EIPR1: variants seen among roughly 807,000 people sequenced by gnomAD.
The protein encoded by EIPR1 is EARP and GARP complex-interacting protein 1.
In EIPR1, 25 loss-of-function variants were observed where a neutral mutation model predicts 48.1. The observed-to-expected ratio is 0.52, with a 90% CI of 0.38 to 0.73. EIPR1 has a LOEUF of 0.73. Among genes scored for constraint, EIPR1 ranks in the 30% least tolerant of loss-of-function variants. The probability of loss-of-function intolerance (pLI) is 0.00; values close to 1 mark genes in which losing one functional copy is unlikely to be tolerated. For missense variants in EIPR1, 415 were observed against 506.2 expected, an observed-to-expected ratio of 0.82 and a Z score of 1.73; for synonymous variants, 204 against 201.9, an observed-to-expected ratio of 1.01 and a Z score of -0.09.
intron 3 of EIPR1, among the ~76,000 whole-genome samples, chr2:3,305,653 C>T (rs769031346): frequency 1.3e-4 from 20 of 152,302 alleles, no homozygotes; most frequent in Middle Eastern, 3.4e-3. Flanking sequence ...GTGCAGGAGA[C>T]GGGGAAAGAC....
At chr2:3,259,472 C>T (rs888392302) in intron 3 of EIPR1, among the ~76,000 whole-genome samples, 9 of 152,200 alleles carry the variant, frequency 5.9e-5, no homozygotes, top group African/African-American at 2.2e-4. Flanking sequence ...CCTTCAAAGT[C>T]TACACCAGAT....
At chr2:3,267,481 A>G (rs1444951462) in intron 3 of EIPR1, among the ~76,000 whole-genome samples, 1 of 152,216 alleles carries the variant, frequency 6.6e-6, no homozygotes, top group Admixed American at 6.5e-5. Flanking sequence ...TCATAAACTT[A>G]ATCAGGCGGG....
chr2:3,335,469 T>C (rs1046330512), intron 3 of EIPR1, among the ~76,000 whole-genome samples: 2 of 149,900 alleles, frequency 1.3e-5, no homozygotes, highest in Admixed American at 6.6e-5. Context: ...ACGAGGGGGG[T>C]TTCCTGGTGG....
rs545543873 is a variant in EIPR1, at chr2:3,245,145, CTTATT to C, written c.416+12149_416+12153del. 1.3e-3 allele frequency among the ~76,000 whole-genome samples: 199 copies of C among 151,896 alleles called. 1 individual carries two copies. The highest frequency in any genetic ancestry group is 9.7e-3 in the East Asian group (50 of 5,168). On this transcript the variant is annotated intron_variant, in intron 4 of 8. Transcript: ENST00000382125. ...GCAAGGGAGACTCTGATAACCATTC[CTTATT>C]TTATTTTATTTTATTTATTTTACTT...
At chr2:3,209,403 C>T (rs571623010) in intron 5 of EIPR1, among the ~76,000 whole-genome samples, 3 of 152,362 alleles carry the variant, frequency 2.0e-5, no homozygotes, top group Admixed American at 6.5e-5. Flanking sequence ...ACCATGTCCT[C>T]GCTGCCCCCT....
In EIPR1 at chr2:3,192,440, G is replaced by C; in HGVS notation, c.963C>G (p.Asp321Glu). Residue 321 changes from aspartate (D) to glutamate (E), a missense_variant, in exon 8 of 9, where the codon GAC (aspartate) becomes GAG (glutamate). Physicochemically the swap from Asp to Glu is conservative, Grantham distance 45. Coordinates refer to ENST00000382125, the MANE Select transcript of EIPR1 (RefSeq NM_003310.5). ...TCTCTTCAGAACGGTGGTCCTCCTG[G>C]TCACTGATGTCATCGTCGTCTACCA... ...GHLVDDDDIS[D>E]QEDHRSEEKS... 6.2e-7 allele frequency: 1 copy of C among 1,612,068 alleles called. No homozygotes were observed. The highest frequency in any genetic ancestry group is 1.3e-5 in the African/African-American group (1 of 74,976).
intron 4 of EIPR1, 92 bp downstream of exon 4, chr2:3,257,207 G>A (rs1667184256): frequency 1.4e-6 from 2 of 1,401,436 alleles, no homozygotes; most frequent in South Asian, 3.0e-5. Flanking sequence ...CCGAGGTGTG[G>A]ACGGTGGCTC....
chr2:3,287,140 G>A lies in EIPR1; in HGVS notation c.260-29685C>T, dbSNP rs1430792123. On this transcript the variant is annotated intron_variant, in intron 3 of 8. Transcript: ENST00000382125. ...CTGCAGCACCAAGCTCGTTCACCAC[G>A]CTCTAGAAAACTCATTCAACATGTT... Among the ~76,000 whole-genome samples, 8 of 152,130 alleles carry A rather than the reference G, an allele frequency of 5.3e-5. No individual in the cohort carries two copies. The South Asian group carries it at 8.3e-4, about 16-fold the overall frequency.
At chr2:3,201,960 G>A (rs139508252) in intron 5 of EIPR1, among the ~76,000 whole-genome samples, 297 of 151,806 alleles carry the variant, frequency 2.0e-3, no homozygotes, top group African/African-American at 6.5e-3. Context: ...TTTTTGAGAC[G>A]GAGTCTCACT....
intron 4 of EIPR1, among the ~76,000 whole-genome samples, chr2:3,251,469 C>T (rs1363272502): frequency 6.6e-6 from 1 of 152,152 alleles, no homozygotes; most frequent in African/African-American, 2.4e-5. Flanking sequence ...CGAGGCCCCA[C>T]AACCACCCCC....
At chr2:3,202,979 C>T (rs551991843) in intron 5 of EIPR1, among the ~76,000 whole-genome samples, 39 of 152,326 alleles carry the variant, frequency 2.6e-4, no homozygotes, top group African/African-American at 7.9e-4. Context: ...TTCTCACACT[C>T]GGTGTCTGGC....
Position 3,192,492 on chromosome 2 carries a change from G to A in EIPR1, c.911C>T (p.Ser304Phe). 6.2e-7 allele frequency: 1 copy of A among 1,613,082 alleles called. No homozygotes were observed. The highest frequency in any genetic ancestry group is 1.1e-5 in the South Asian group (1 of 90,956). Residue 304 changes from serine to phenylalanine, a missense_variant, in exon 8 of 9, where the codon TCC (serine) becomes TTC (phenylalanine). Transcript: ENST00000382125. The stretch of plus-strand genomic sequence containing the variant: ...GTGGCCGAAGGGCTCCGACGAGATG[G>A]ACACCATGTTGGAAAGGATGACTCT... ...DSRVILSNMV[S>F]ISSEPFGHLV...
At chr2:3,296,583 A>G (rs529628219) in intron 3 of EIPR1, among the ~76,000 whole-genome samples, 1 of 113,212 alleles carries the variant, frequency 8.8e-6, no homozygotes, top group African/African-American at 3.5e-5. Context: ...CATCCAGCCC[A>G]TCCTCTCTAC....
intron 3 of EIPR1, among the ~76,000 whole-genome samples, chr2:3,306,816 G>A (rs956742250): frequency 1.4e-4 from 21 of 152,168 alleles, no homozygotes; most frequent in African/African-American, 3.4e-4. Context: ...AAATCCATGC[G>A]TAAGTGGACC....
chr2:3,258,672 A>G (rs1266987522), intron 3 of EIPR1, among the ~76,000 whole-genome samples: 1 of 152,232 alleles, frequency 6.6e-6, no homozygotes, highest in African/African-American at 2.4e-5. Context: ...ATGACAAAAT[A>G]TCTAACTTTG....
At position 3,212,195 on chromosome 2, in the gene EIPR1, T is replaced by C. The variant is rs566603375; in HGVS notation, c.516+1954A>G. Among the ~76,000 whole-genome samples, 8 of 152,332 alleles carry C rather than the reference T, an allele frequency of 5.3e-5. No homozygotes were observed. In the East Asian group the frequency reaches 1.5e-3, roughly 29 times the overall value. On this transcript the variant is annotated intron_variant, in intron 5 of 8. Transcript: ENST00000382125. ...TAAAAAAGGGGGAGAGAAAACTAAA[T>C]TGATCTCTGCAGAAAATAAGTTACA...
At chr2:3,307,826 T>C (rs1251711885) in intron 3 of EIPR1, among the ~76,000 whole-genome samples, 2 of 152,228 alleles carry the variant, frequency 1.3e-5, no homozygotes, top group African/African-American at 4.8e-5. Flanking sequence ...TATTTCAGAA[T>C]AGCAGAAGAG....
intron 3 of EIPR1, among the ~76,000 whole-genome samples, chr2:3,322,007 T>C (rs868701242): frequency 1.3e-5 from 2 of 152,306 alleles, no homozygotes; most frequent in Middle Eastern, 3.4e-3. Context: ...CAGCATCTTA[T>C]CCGAGGGATC....
intron 2 of EIPR1, among the ~76,000 whole-genome samples, chr2:3,344,540 T>G (rs1009903519): frequency 6.6e-6 from 1 of 152,178 alleles, no homozygotes; most frequent in African/African-American, 2.4e-5. Flanking sequence ...TCTGGGCTCT[T>G]TGTATATCTG....
Sources: gnomAD v4.1 joint callset for allele counts (sites outside exome capture counted in the v4.1 genomes callset) on GRCh38, gnomAD v4.1.1 for gene constraint, MANE v1.5 for transcripts, NCBI Gene and HGNC (gene_info 2026-07-23, HGNC 2026-07-21) for gene names.